FOXP2: variants seen among roughly 807,000 people sequenced by gnomAD.
The protein encoded by FOXP2 is forkhead box P2.
In FOXP2, 12 loss-of-function variants were observed where a neutral mutation model predicts 115.8. The observed-to-expected ratio is 0.10, with a 90% CI of 0.07 to 0.17. FOXP2 has a LOEUF of 0.17. FOXP2 is among the 10% of genes least tolerant of loss of function. FOXP2 has a pLI of 1.00. For synonymous variants in FOXP2, 328 were observed against 297.7 expected (o/e 1.10, Z -1.05); for missense variants, 629 against 843.5 (o/e 0.75, Z 3.15).
rs1034566513 is a variant in FOXP2, at chr7:114,188,511, G to T, written c.-102+25423G>T. On this transcript the variant is annotated intron_variant, in intron 1 of 17. Transcript: ENST00000634411. ...CTTTTGCTGACCACCCTACTTAAAG[G>T]TAGCTCCTCAATATAGGTAATAAAG... is the stretch of plus-strand genomic sequence containing the variant. Among the ~76,000 whole-genome samples, 16 of 152,054 alleles carry T rather than the reference G, an allele frequency of 1.1e-4. 1 individual carries two copies. Among genetic ancestry groups the T allele is most frequent in the Admixed American group, 8.5e-4 (13 of 15,256 alleles).
intron 1 of FOXP2, among the ~76,000 whole-genome samples, chr7:114,278,988 T>C (rs1796261290): frequency 6.6e-6 from 1 of 152,116 alleles, no homozygotes; most frequent in South Asian, 2.1e-4. Context: ...GAAAAATAAA[T>C]TCTGGGTTAT....
intron 1 of FOXP2, among the ~76,000 whole-genome samples, chr7:114,183,744 A>G (rs532803560): frequency 6.6e-6 from 1 of 152,304 alleles, no homozygotes; most frequent in African/African-American, 2.4e-5. Flanking sequence ...GTATGTCAAC[A>G]TAGTTTTTGG....
At chr7:114,441,953 A>G (rs1794624021) in intron 2 of FOXP2, among the ~76,000 whole-genome samples, 1 of 152,204 alleles carries the variant, frequency 6.6e-6, no homozygotes, top group Non-Finnish European at 1.5e-5. Context: ...GTTTGGCTGT[A>G]TCTTAACAAT....
At chr7:114,333,703 A>G (rs976337785) in intron 2 of FOXP2, among the ~76,000 whole-genome samples, 1 of 152,178 alleles carries the variant, frequency 6.6e-6, no homozygotes. Context: ...CTTGGCCAAC[A>G]TGGTGAAACC....
At chr7:114,669,687 A>C (rs1563070769) in intron 16 of FOXP2, 1 of 152,070 alleles carries the variant, frequency 6.6e-6, no homozygotes, top group East Asian at 1.9e-4. Flanking sequence ...TGTTGGACTT[A>C]AGTGAATGAC....
intron 2 of FOXP2, among the ~76,000 whole-genome samples, chr7:114,393,705 G>T (rs191092005): frequency 1.3e-5 from 2 of 152,232 alleles, no homozygotes; most frequent in East Asian, 1.9e-4. Flanking sequence ...TGGAACCCAG[G>T]TTGAGAGAAG....
chr7:114,218,810 G>T (rs918513868), intron 1 of FOXP2, among the ~76,000 whole-genome samples: 1 of 152,090 alleles, frequency 6.6e-6, no homozygotes, highest in African/African-American at 2.4e-5. Flanking sequence ...AGGATAGTTA[G>T]TATTATTTAT....
chr7:114,334,901 T>G (rs2129183466), intron 2 of FOXP2, among the ~76,000 whole-genome samples: 1 of 141,402 alleles, frequency 7.1e-6, no homozygotes, highest in South Asian at 2.2e-4. Flanking sequence ...TGTGTGTGTG[T>G]GTATATATAT....
chr7:114,265,505 G>C (rs569268515), intron 1 of FOXP2, among the ~76,000 whole-genome samples: 2 of 152,156 alleles, frequency 1.3e-5, no homozygotes, highest in East Asian at 1.9e-4. Context: ...TTTTGAGTGC[G>C]TGTGGCTTTT....
At chr7:114,578,437 A>C (rs967860562) in intron 3 of FOXP2, among the ~76,000 whole-genome samples, 38 of 152,006 alleles carry the variant, frequency 2.5e-4, no homozygotes, top group African/African-American at 8.9e-4. Context: ...TTTATTTTAC[A>C]ATTGAAAAAA....
chr7:114,154,771 A>G (rs1384078508), intron 1 of FOXP2, among the ~76,000 whole-genome samples: 1 of 152,098 alleles, frequency 6.6e-6, no homozygotes, highest in Non-Finnish European at 1.5e-5. Context: ...GTAAATTTGG[A>G]TTTCCAAAAG....
At chr7:114,595,473 G>T (rs1435323911) in intron 3 of FOXP2, among the ~76,000 whole-genome samples, 1 of 151,782 alleles carries the variant, frequency 6.6e-6, no homozygotes, top group Admixed American at 6.6e-5. Context: ...CTATTTTTTT[G>T]CAGTCTGATT....
chr7:114,330,418 A>T (rs1478575322), intron 2 of FOXP2, among the ~76,000 whole-genome samples: 2 of 151,314 alleles, frequency 1.3e-5, no homozygotes, highest in Non-Finnish European at 2.9e-5. Context: ...GGATCCCTTG[A>T]GCTCAGGAGT....
At chr7:114,212,297 A>G (rs1794379143) in intron 1 of FOXP2, among the ~76,000 whole-genome samples, 1 of 151,856 alleles carries the variant, frequency 6.6e-6, no homozygotes, top group South Asian at 2.1e-4. Context: ...TTGAACTGAC[A>G]TTTTATTTCA....
intron 1 of FOXP2, among the ~76,000 whole-genome samples, chr7:114,278,522 T>C (rs75224959): frequency 6.6e-6 from 1 of 152,088 alleles, no homozygotes; most frequent in Admixed American, 6.5e-5. Context: ...GCCTGGCTAA[T>C]TTTTGTATTT....
intron 2 of FOXP2, among the ~76,000 whole-genome samples, chr7:114,317,735 A>AT (rs1562868329): frequency 6.6e-6 from 1 of 152,146 alleles, no homozygotes; most frequent in African/African-American, 2.4e-5. Flanking sequence ...ATCTACTGCC[A>AT]TTTCCTAAAA....
At chr7:114,582,568 T>G (rs1801923100) in intron 3 of FOXP2, among the ~76,000 whole-genome samples, 14 of 152,226 alleles carry the variant, frequency 9.2e-5, no homozygotes, top group Admixed American at 9.2e-4. Flanking sequence ...TAAAAGATTG[T>G]AATAATACAG....
chr7:114,468,441 G>A (rs546162475), intron 2 of FOXP2, among the ~76,000 whole-genome samples: 6 of 152,158 alleles, frequency 3.9e-5, no homozygotes, highest in African/African-American at 1.4e-4. Flanking sequence ...ACTACTTAAG[G>A]TGACATTGAC....
At chr7:114,470,368 CT>C in intron 2 of FOXP2, among the ~76,000 whole-genome samples, 1 of 152,268 alleles carries the variant, frequency 6.6e-6, no homozygotes, top group East Asian at 1.9e-4. Flanking sequence ...AACATCCCTT[CT>C]TTTCAGAGCT....
Sources: gnomAD v4.1 joint callset for allele counts (sites outside exome capture counted in the v4.1 genomes callset) on GRCh38, gnomAD v4.1.1 for gene constraint, MANE v1.5 for transcripts, NCBI Gene and HGNC (gene_info 2026-07-23, HGNC 2026-07-21) for gene names.